RASSF3: variants seen among roughly 807,000 people sequenced by gnomAD.
The protein encoded by RASSF3 is Ras association domain family member 3.
In RASSF3, 19 loss-of-function variants were observed where a neutral mutation model predicts 19.9. The observed-to-expected ratio is 0.96, with a 90% confidence interval of 0.67 to 1.40. The LOEUF (loss-of-function observed/expected upper bound fraction) is 1.40. Ranked by LOEUF, RASSF3 falls within the 40% of genes most tolerant of loss-of-function variation. The pLI, the probability that RASSF3 is intolerant of heterozygous loss-of-function variation, is 0.00. For missense variants in RASSF3, 306 were observed against 289.8 expected (o/e 1.06, Z -0.41); for synonymous variants, 110 against 104.2 (o/e 1.06, Z -0.34).
chr12:64,522,631 T>C (rs1868502772), intron 1 of RASSF3, among the ~76,000 whole-genome samples: 1 of 152,042 alleles, frequency 6.6e-6, no homozygotes. Context: ...ACTAAGAGGA[T>C]TGAGAGTTGA....
chr12:64,654,039 G>A (rs1482394767), intron 1 of RASSF3: 1 of 152,254 alleles, frequency 6.6e-6, no homozygotes, highest in African/African-American at 2.4e-5. Context: ...TTCAGTGTCA[G>A]TTTGCCAGTT....
chr12:64,677,101 C>T (rs187295740), intron 1 of RASSF3, among the ~76,000 whole-genome samples: 18 of 152,216 alleles, frequency 1.2e-4, no homozygotes, highest in Admixed American at 5.9e-4. Flanking sequence ...TGTTTCACAT[C>T]GTTTTATGTG....
At chr12:64,668,005 G>A (rs1872580410) in intron 1 of RASSF3, among the ~76,000 whole-genome samples, 1 of 152,198 alleles carries the variant, frequency 6.6e-6, no homozygotes, top group Admixed American at 6.5e-5. Flanking sequence ...GAGGCCTTTG[G>A]TCTGAGTAGA....
rs146043935 is a variant in RASSF3 at position 64,600,249 on chromosome 12, A to T, written c.294+58544A>T. 1.9e-3 allele frequency among the ~76,000 whole-genome samples: 295 copies of T among 152,192 alleles called. 2 individuals carry two copies. Among genetic ancestry groups the T allele is most frequent in the African/African-American group, 6.9e-3 (286 of 41,506 alleles). ...AGAGGCAGGATTGCTTACATCCAGG[A>T]GTTCCAGACCAGGCTGGGCAGCATG... On this transcript the variant is annotated intron_variant, in intron 2 of 5. Coordinates refer to the RASSF3 transcript ENST00000637125.
At chr12:64,586,459 C>T (rs1869802566) in intron 2 of RASSF3, among the ~76,000 whole-genome samples, 1 of 131,366 alleles carries the variant, frequency 7.6e-6, no homozygotes, top group African/African-American at 3.0e-5. Flanking sequence ...CACTGCACTC[C>T]AGCCCAAGCA....
chr12:64,566,542 A>G (rs2136128080), intron 2 of RASSF3, among the ~76,000 whole-genome samples: 1 of 152,314 alleles, frequency 6.6e-6, no homozygotes, highest in Non-Finnish European at 1.5e-5. Flanking sequence ...AGTTCTGCTC[A>G]GTCATGAGGC....
intron 1 of RASSF3, among the ~76,000 whole-genome samples, chr12:64,508,069 A>G (rs527723823): frequency 6.6e-6 from 1 of 152,348 alleles, no homozygotes; most frequent in South Asian, 2.1e-4. Context: ...CTTGCAACTG[A>G]ATCAAAATTC....
chr12:64,620,738 G>C (rs1276630488), intron 1 of RASSF3, among the ~76,000 whole-genome samples: 1 of 152,000 alleles, frequency 6.6e-6, no homozygotes. Flanking sequence ...TTATAGGATA[G>C]TTGTACAAAA....
At chr12:64,598,882 TC>T (rs1438648334) in intron 2 of RASSF3, among the ~76,000 whole-genome samples, 3 of 104,720 alleles carry the variant, frequency 2.9e-5, no homozygotes, top group Non-Finnish European at 5.7e-5. Flanking sequence ...ATGCTATCCC[TC>T]CCCCCTCCCC....
chr12:64,580,781 A>G (rs1453962039), intron 2 of RASSF3, among the ~76,000 whole-genome samples: 1 of 151,876 alleles, frequency 6.6e-6, no homozygotes, highest in East Asian at 1.9e-4. Context: ...CCTTTGTCAC[A>G]TGGTATTCTC....
In RASSF3 at chr12:64,576,629, G is replaced by T. The variant is rs138666075; in HGVS notation, c.294+34924G>T. On this transcript the variant is annotated intron_variant, in intron 2 of 5. Coordinates refer to the RASSF3 transcript ENST00000637125. Reference sequence around the variant, plus strand: ...CACTTTGGGCAGCTGAGGAGGGCAGGTCAGTTGAGCCCAGGAGTTTGAGAC... The same window carrying T: ...CACTTTGGGCAGCTGAGGAGGGCAGTTCAGTTGAGCCCAGGAGTTTGAGAC... Among the ~76,000 whole-genome samples, 1,039 of 152,188 alleles carry T rather than the reference G, an allele frequency of 6.8e-3. 10 individuals are homozygous for T. The highest frequency in any genetic ancestry group is 0.024 in the African/African-American group (1,013 of 41,516).
intron 2 of RASSF3, among the ~76,000 whole-genome samples, chr12:64,553,139 CCA>C (rs1410475971): frequency 1.4e-4 from 22 of 152,224 alleles, no homozygotes; most frequent in Admixed American, 1.4e-3. Flanking sequence ...GCAGCACTTT[CCA>C]CACAATCTCT....
chr12:64,690,298 C>T (rs1388003775), intron 3 of RASSF3, among the ~76,000 whole-genome samples: 1 of 152,282 alleles, frequency 6.6e-6, no homozygotes, highest in South Asian at 2.1e-4. Flanking sequence ...TCTCCTGCCT[C>T]AGCCTCCCAA....
At chr12:64,549,749 T>C (rs1197667228) in intron 2 of RASSF3, among the ~76,000 whole-genome samples, 1 of 152,152 alleles carries the variant, frequency 6.6e-6, no homozygotes, top group East Asian at 1.9e-4. Flanking sequence ...GTTGGTGTGT[T>C]TGTGACAGCA....
At chr12:64,588,972 ACTT>A (rs1170429844) in intron 2 of RASSF3, among the ~76,000 whole-genome samples, 1 of 152,166 alleles carries the variant, frequency 6.6e-6, no homozygotes, top group Admixed American at 6.6e-5. Flanking sequence ...TTTTCACGTG[ACTT>A]CTTTTTGTTT....
chr12:64,564,590 C>T (rs778390893), intron 2 of RASSF3, among the ~76,000 whole-genome samples: 3 of 151,972 alleles, frequency 2.0e-5, no homozygotes, highest in African/African-American at 4.8e-5. Context: ...CCATGTTGGT[C>T]AGGCTGGTCT....
chr12:64,536,763 G>T (rs1223619864), intron 1 of RASSF3, among the ~76,000 whole-genome samples: 1 of 152,192 alleles, frequency 6.6e-6, no homozygotes, highest in Non-Finnish European at 1.5e-5. Context: ...GCAGGTGAGG[G>T]ATTCAGTGCC....
At chr12:64,633,078 A>G (rs914434293) in intron 1 of RASSF3, among the ~76,000 whole-genome samples, 6 of 152,112 alleles carry the variant, frequency 3.9e-5, no homozygotes, top group African/African-American at 1.4e-4. Context: ...TTTTTTTCCT[A>G]TCAGGTTAAA....
At position 64,694,855 on chromosome 12, in the gene RASSF3, C is replaced by T; in HGVS notation, c.660C>T (p.Tyr220=). The T allele has an allele frequency of 6.2e-7, 1 of 1,614,246 alleles. No homozygotes were observed. The highest frequency in any genetic ancestry group is 8.5e-7 in the Non-Finnish European group (1 of 1,180,038). Reference sequence around the variant, plus strand: ...AGCTGCAGAACCTGAAGAGGCGCTACACAGCCTACAGGCAGAAGCTGGAAG... The same window carrying T: ...AGCTGCAGAACCTGAAGAGGCGCTATACAGCCTACAGGCAGAAGCTGGAAG... The part of the protein sequence containing the change: ...DEQLQNLKRR[Y]TAYRQKLEEA... Residue 220 remains tyrosine, a synonymous_variant, in exon 5 of 5, where the codon TAC becomes TAT. Coordinates refer to ENST00000542104, the MANE Select transcript of RASSF3 (RefSeq NM_178169.4).
Sources: allele counts gnomAD v4.1 joint callset (sites outside exome capture counted in the v4.1 genomes callset), GRCh38; gene constraint gnomAD v4.1.1; transcripts MANE v1.5; gene names NCBI Gene and HGNC (gene_info 2026-07-23, HGNC 2026-07-21).